The following SPTB variants were observed in gnomAD, a reference collection of about 807,000 sequenced individuals.
SPTB encodes spectrin beta, erythrocytic.
Under a neutral mutation model 256.2 loss-of-function variants are expected in SPTB, and 45 were observed. That is an observed-to-expected ratio of 0.18 (90% CI 0.14 to 0.23). The LOEUF (loss-of-function observed/expected upper bound fraction) is 0.23, where lower values mean the gene tolerates loss of function less well. Among genes scored for constraint, SPTB ranks in the 10% least tolerant of loss-of-function variants. SPTB has a pLI of 1.00. For missense variants in SPTB, 2,715 were observed against 3,040.4 expected, an observed-to-expected ratio of 0.89 and a Z score of 2.52; for synonymous variants, 1,231 against 1,243.1, an observed-to-expected ratio of 0.99 and a Z score of 0.21.
intron 15 of SPTB, among the ~76,000 whole-genome samples, chr14:64,791,184 T>G (rs940054960): frequency 2.0e-5 from 3 of 152,074 alleles, no homozygotes; most frequent in African/African-American, 7.2e-5. Flanking sequence ...GACTCGTCTC[T>G]CTCCCTCCCT....
At position 64,793,110 on chromosome 14, in the gene SPTB, G is replaced by A. The variant is rs749176738; in HGVS notation, c.2553C>T (p.Tyr851=). Reference sequence around the variant, plus strand: ...AGGCGTCTGTCTCCCCGAACACCGTGTACAGGTCCAGGGCTTCCTGCAGCC... The same window carrying A: ...AGGCGTCTGTCTCCCCGAACACCGTATACAGGTCCAGGGCTTCCTGCAGCC... The part of the protein sequence containing the change: ...QQRLQEALDL[Y]TVFGETDACE... The change falls in exon 14 of 36, where the codon TAC becomes TAT. Residue 851 remains tyrosine (Y), a synonymous_variant. Coordinates refer to ENST00000644917, the MANE Select transcript of SPTB (RefSeq NM_001355436.2). This position sits in a 1 kb window ranked among gnomAD's most constrained non-coding sequence, Gnocchi z 7.0. The A allele has an allele frequency of 2.5e-6, 4 of 1,614,124 alleles. No individual in the cohort carries two copies. The South Asian group carries it at 4.4e-5, about 18-fold the overall frequency.
intron 2 of SPTB, among the ~76,000 whole-genome samples, chr14:64,817,287 A>G (rs2083209860): frequency 6.6e-6 from 1 of 152,212 alleles, no homozygotes; most frequent in Non-Finnish European, 1.5e-5. Context: ...CAGGGGGACA[A>G]TCTCACCATG....
intron 2 of SPTB, among the ~76,000 whole-genome samples, chr14:64,817,832 G>A (rs1217923679): frequency 6.6e-6 from 1 of 152,252 alleles, no homozygotes; most frequent in East Asian, 1.9e-4. Context: ...CAAGGAGGTG[G>A]GCGGGGAGCA....
At chr14:64,800,620 C>T (rs2082865057) in intron 8 of SPTB, 136 bp downstream of exon 8, 1 of 787,030 alleles carries the variant, frequency 1.3e-6, no homozygotes, top group African/African-American at 1.7e-5. Flanking sequence ...TCAATGTTGC[C>T]AAGGTCAGCT....
intron 1 of SPTB, among the ~76,000 whole-genome samples, chr14:64,846,455 A>C (rs1454468662): frequency 6.6e-6 from 1 of 152,248 alleles, no homozygotes; most frequent in Non-Finnish European, 1.5e-5. Context: ...ATAGAGAGAG[A>C]GCACCTAGGT....
chr14:64,796,813 T>C lies in SPTB; in HGVS notation c.1183-98A>G. 2 of 1,497,838 alleles carry C rather than the reference T, an allele frequency of 1.3e-6. No individual in the cohort carries two copies. Among genetic ancestry groups the C allele is most frequent in the Non-Finnish European group, 1.8e-6 (2 of 1,084,520 alleles). The allele number at this position is 1,497,838 out of a possible 1,614,324, so 92.8% of individuals were successfully genotyped here. A position where few individuals can be genotyped will look rare whatever the true frequency, so the allele number is the denominator to read the frequency against. ...ACCCAACACTGAGTGATTTCTGGAA[T>C]CAAGGTACAGCCTGATGCTCTTGGG... On this transcript the variant is annotated intron_variant, in intron 10 of 35. Transcript: ENST00000644917. The surrounding 1 kb of genome is among the most constrained non-coding windows in gnomAD (Gnocchi z 4.1).
In SPTB at chr14:64,779,617, G is replaced by A; in HGVS notation, c.4473+108C>T. 9.1e-7 allele frequency: 1 copy of A among 1,103,118 alleles called. No individual in the cohort carries two copies. The highest frequency in any genetic ancestry group is 1.4e-6 in the Non-Finnish European group (1 of 719,314). The allele number at this position is 1,103,118 out of a possible 1,614,324, so 68.3% of individuals were successfully genotyped here. ...AAGAACCCTATGAGATAAGGGGTGA[G>A]GTGACCAGTCATCTACTGCCAAAAA... On this transcript the variant is annotated intron_variant, in intron 21 of 35. Transcript: ENST00000644917. The surrounding 1 kb of genome is among the most constrained non-coding windows in gnomAD (Gnocchi z 4.2).
At position 64,786,907 on chromosome 14, in the gene SPTB, G is replaced by T. The variant is rs1341052202; in HGVS notation, c.3058C>A (p.Gln1020Lys). The T allele has an allele frequency of 2.5e-6, 4 of 1,613,052 alleles. No individual in the cohort carries two copies. The East Asian group carries it at 8.9e-5, about 36-fold the overall frequency. The change falls in exon 16 of 36, where the codon CAG (glutamine) becomes AAG (lysine). Residue 1020 changes from glutamine to lysine, a missense_variant. Coordinates refer to ENST00000644917, the MANE Select transcript of SPTB (RefSeq NM_001355436.2). This position sits in a 1 kb window ranked among gnomAD's most constrained non-coding sequence, Gnocchi z 5.6. ...RVDALERESQ[Q>K]LMDSHPEQKE... The stretch of plus-strand genomic sequence containing the variant: ...TGCTCAGGGTGCGAGTCCATCAGCT[G>T]CTGGGACTCACGCTCCAGGGCATCC...
rs139446085 is a variant in SPTB at position 64,775,258 on chromosome 14, C to T, written c.4709G>A (p.Arg1570Gln). Residue 1570 changes from arginine (R) to glutamine (Q), a missense_variant, in exon 23 of 36, where the codon CGG (arginine) becomes CAG (glutamine). Around this residue, in one of 4 missense-constraint regions of SPTB, gnomAD observed 2,239 missense variants for 2,384.4 expected, o/e 0.94. Transcript: ENST00000644917. The surrounding 1 kb of genome is among the most constrained non-coding windows in gnomAD (Gnocchi z 5.0). ...CTGCAGCCTCCCGGCCGCTGCCTCC[C>T]GCAGCCTGTCCCAGGAGCTCTGCAG... ...GHLQSSWDRLREAAAGRLQRL... is the reference protein window; with the variant it reads ...GHLQSSWDRLQEAAAGRLQRL... 79 of 1,613,646 alleles carry T rather than the reference C, an allele frequency of 4.9e-5. No individual in the cohort carries two copies. Among genetic ancestry groups the T allele is most frequent in the Admixed American group, 1.8e-4 (11 of 60,014 alleles).
intron 33 of SPTB, chr14:64,752,388 A>G (rs2081965475): frequency 1.6e-6 from 1 of 610,640 alleles, no homozygotes; most frequent in Non-Finnish European, 2.6e-6. Flanking sequence ...AGAGAGAGAA[A>G]CTGACCCATA....
intron 2 of SPTB, among the ~76,000 whole-genome samples, chr14:64,815,768 A>G (rs2083180604): frequency 6.6e-6 from 1 of 152,176 alleles, no homozygotes; most frequent in Admixed American, 6.5e-5. Flanking sequence ...CAGGGTAAAG[A>G]GGCACATTGT....
At chr14:64,765,465 G>T (rs1036467028) in intron 32 of SPTB, among the ~76,000 whole-genome samples, 27 of 152,242 alleles carry the variant, frequency 1.8e-4, no homozygotes, top group African/African-American at 5.8e-4. Flanking sequence ...AGGTCCTGAG[G>T]CGCATGCCCT....
rs901942623 is a variant in SPTB, at chr14:64,826,459, G to A, written c.-51-3314C>T. ...ATGACATTTAAGTTGCTACCTGGGA[G>A]GAACTTAGAGATGAGATGATCTGGT... is the stretch of plus-strand genomic sequence containing the variant. On this transcript the variant is annotated intron_variant, in intron 1 of 35. Coordinates refer to ENST00000644917, the MANE Select transcript of SPTB (RefSeq NM_001355436.2). This position sits in a 1 kb window ranked among gnomAD's most constrained non-coding sequence, Gnocchi z 4.4. Among the ~76,000 whole-genome samples, 9 of 152,148 alleles carry A rather than the reference G, an allele frequency of 5.9e-5. No individual in the cohort carries two copies. Among genetic ancestry groups the A allele is most frequent in the African/African-American group, 2.2e-4 (9 of 41,414 alleles).
chr14:64,751,927 C>CAAAAAAAAA (rs374561563), intron 33 of SPTB, among the ~76,000 whole-genome samples: 9 of 71,938 alleles, frequency 1.3e-4, no homozygotes, highest in Non-Finnish European at 2.0e-4. Flanking sequence ...ACTAAAAATG[C>CAAAAAAAAA]AAAAAAAAAA....
Position 64,779,076 on chromosome 14 carries a change from G to GGC in SPTB, c.4563+80_4563+81insGC. The GGC allele has an allele frequency of 9.1e-7, 1 of 1,104,144 alleles. No homozygotes were observed. The highest frequency in any genetic ancestry group is 2.5e-5 in the East Asian group (1 of 39,804). 68.4% of individuals were successfully genotyped at this position (1,104,144 alleles called of 1,614,324 possible). ...ATCTGCTGTTGCTAGCCTTCTGCAG[G>GGC]TCAGGGCTGGGCCTACCCCCGTGGG... On this transcript the variant is annotated intron_variant, in intron 22 of 35. Transcript: ENST00000644917. This position sits in a 1 kb window ranked among gnomAD's most constrained non-coding sequence, Gnocchi z 4.2.
intron 32 of SPTB, among the ~76,000 whole-genome samples, chr14:64,766,011 T>TTA (rs1292465923): frequency 6.9e-6 from 1 of 144,198 alleles, no homozygotes; most frequent in Non-Finnish European, 1.5e-5. Context: ...GTGTGCATAT[T>TTA]TGTGTGTGCA....
chr14:64,795,727 C>A lies in SPTB; in HGVS notation c.1342-88G>T, dbSNP rs1218973303. The A allele has an allele frequency of 3.7e-6, 5 of 1,367,372 alleles. No individual in the cohort carries two copies. The highest frequency in any genetic ancestry group is 3.5e-5 in the Admixed American group (2 of 56,996). The allele number at this position is 1,367,372 out of a possible 1,614,324, so 84.7% of individuals were successfully genotyped here. A position where few individuals can be genotyped will look rare whatever the true frequency, so the allele number is the denominator to read the frequency against. On this transcript the variant is annotated intron_variant, in intron 11 of 35. Transcript: ENST00000644917. This position sits in a 1 kb window ranked among gnomAD's most constrained non-coding sequence, Gnocchi z 6.5. ...AGGGACAGGGCAGCTCCCTTCAGAA[C>A]CAGTGCTAGATGGGAAAGCACATTC...
chr14:64,827,756 A>G lies in SPTB; in HGVS notation c.-51-4611T>C, dbSNP rs1488049530. ...TATCTGCAGCCCTAACCTCCTCCCT[A>G]CTCTCAAGCTCTAGTCTGGCACCTC... is the stretch of plus-strand genomic sequence containing the variant. On this transcript the variant is annotated intron_variant, in intron 1 of 35. Coordinates refer to ENST00000644917, the MANE Select transcript of SPTB (RefSeq NM_001355436.2). The surrounding 1 kb of genome is among the most constrained non-coding windows in gnomAD (Gnocchi z 4.6). 2.0e-5 allele frequency among the ~76,000 whole-genome samples: 3 copies of G among 152,024 alleles called. No homozygotes were observed. Among genetic ancestry groups the G allele is most frequent in the Non-Finnish European group, 2.9e-5 (2 of 68,000 alleles).
rs762383059 is a variant in SPTB, at chr14:64,794,574, A to G, written c.1688T>C (p.Val563Ala). ...CTTGTGCTTCTGTAGCAGGTCTTCAACCTCCAACAAGTGCTTCCCAAACTC... is the reference window on the plus strand; with the variant it reads ...CTTGTGCTTCTGTAGCAGGTCTTCAGCCTCCAACAAGTGCTTCCCAAACTC... ...SAEFGKHLLE[V>A]EDLLQKHKLM... The change falls in exon 13 of 36, where the codon GTT becomes GCT. Residue 563 changes from valine to alanine, a missense_variant. By Grantham distance (64) the Val-to-Ala change is moderately conservative. Coordinates refer to ENST00000644917, the MANE Select transcript of SPTB (RefSeq NM_001355436.2). 5.0e-6 allele frequency: 8 copies of G among 1,614,060 alleles called. No individual in the cohort carries two copies. Among genetic ancestry groups the G allele is most frequent in the African/African-American group, 4.0e-5 (3 of 74,918 alleles).
Sources: gnomAD v4.1 joint callset for allele counts (sites outside exome capture counted in the v4.1 genomes callset) on GRCh38, gnomAD v4.1.1 for gene constraint, gnomAD v4.1.1 regional missense constraint, Gnocchi (gnomAD v3.1) non-coding constraint, MANE v1.5 for transcripts, NCBI Gene and HGNC (gene_info 2026-07-23, HGNC 2026-07-21) for gene names.